EFCAB5: variants seen among roughly 807,000 people sequenced by gnomAD.
EFCAB5 encodes EF-hand calcium-binding domain-containing protein 5.
Under a neutral mutation model 167.9 loss-of-function variants are expected in EFCAB5, and 131 were observed. The ratio of observed to expected loss-of-function variants is 0.78; its 90% CI spans 0.68 to 0.90. The LOEUF (loss-of-function observed/expected upper bound fraction) is 0.90, where lower values mean the gene tolerates loss of function less well. EFCAB5 is among the 40% of genes least tolerant of loss of function. The pLI is 0.00. For missense variants in EFCAB5, 1,663 were observed against 1,745.2 expected, an observed-to-expected ratio of 0.95 and a Z score of 0.84; for synonymous variants, 574 against 602.8, an observed-to-expected ratio of 0.95 and a Z score of 0.70.
chr17:30,090,989 G>C (rs940168404), intron 20 of EFCAB5, among the ~76,000 whole-genome samples: 2 of 152,084 alleles, frequency 1.3e-5, no homozygotes, highest in Non-Finnish European at 2.9e-5. Flanking sequence ...TTCAATCCTT[G>C]CCATAACCCT....
intron 8 of EFCAB5, among the ~76,000 whole-genome samples, chr17:30,038,610 A>T (rs1210926957): frequency 6.6e-6 from 1 of 152,254 alleles, no homozygotes; most frequent in African/African-American, 2.4e-5. Flanking sequence ...AATACATTTC[A>T]TAAGGCTATA....
At chr17:29,978,015 C>A (rs1416486280) in intron 4 of EFCAB5, among the ~76,000 whole-genome samples, 1 of 152,076 alleles carries the variant, frequency 6.6e-6, no homozygotes, top group Non-Finnish European at 1.5e-5. Flanking sequence ...CTCATCCTTA[C>A]AAGATGCCAG....
chr17:29,963,196 C>A (rs2067757137), intron 3 of EFCAB5, among the ~76,000 whole-genome samples: 1 of 152,188 alleles, frequency 6.6e-6, no homozygotes, highest in African/African-American at 2.4e-5. Context: ...CCCACCTCAG[C>A]CTCCTAAAGT....
chr17:29,945,394 C>G (rs1347361911), intron 3 of EFCAB5, among the ~76,000 whole-genome samples: 3 of 151,340 alleles, frequency 2.0e-5, no homozygotes. Context: ...CCTAGTAATA[C>G]ACATTACAAT....
chr17:30,032,689 T>C (rs1015211269), intron 7 of EFCAB5, among the ~76,000 whole-genome samples: 1 of 152,230 alleles, frequency 6.6e-6, no homozygotes, highest in African/African-American at 2.4e-5. Context: ...CAACTCAATA[T>C]ATTAATAAAA....
At position 30,068,626 on chromosome 17, in the gene EFCAB5, G is replaced by T. The variant is rs1021795186; in HGVS notation, c.2737+8925G>T. 4.0e-6 allele frequency: 6 copies of T among 1,497,366 alleles called. No individual in the cohort carries two copies. In the East Asian group the frequency reaches 7.3e-5, roughly 18 times the overall value. The allele number at this position is 1,497,366 out of a possible 1,614,324, so 92.8% of individuals were successfully genotyped here. A position where few individuals can be genotyped will look rare whatever the true frequency, so the allele number is the denominator to read the frequency against. On this transcript the variant is annotated intron_variant, in intron 14 of 22. Coordinates refer to ENST00000394835, the MANE Select transcript of EFCAB5 (RefSeq NM_198529.4). Reference sequence around the variant, plus strand: ...CCTTGTGGGGCTGCCTGTGCGGGTCGCTAGGGCGGTGGACATCACGCTGCT... The same window carrying T: ...CCTTGTGGGGCTGCCTGTGCGGGTCTCTAGGGCGGTGGACATCACGCTGCT...
At chr17:29,993,123 A>G (rs1017317037) in intron 4 of EFCAB5, 42 bp from the exon 5 acceptor site, 1 of 1,513,952 alleles carries the variant, frequency 6.6e-7, no homozygotes, top group African/African-American at 1.4e-5. Flanking sequence ...ACCAAATCCA[A>G]GGGTATTAAC....
intron 16 of EFCAB5, among the ~76,000 whole-genome samples, 192 bp from the exon 17 acceptor site, chr17:30,080,561 T>TTTG (rs2070966950): frequency 6.6e-6 from 1 of 151,360 alleles, no homozygotes; most frequent in African/African-American, 2.4e-5. Flanking sequence ...TTTTTTTTTT[T>TTTG]TTTGTTTGTT....
Position 30,083,022 on chromosome 17 carries a change from T to C in EFCAB5, c.3558T>C (p.Phe1186=), listed in dbSNP as rs768771198. 1 of 1,613,974 alleles carries C rather than the reference T, an allele frequency of 6.2e-7. No homozygotes were observed. The highest frequency in any genetic ancestry group is 8.5e-7 in the Non-Finnish European group (1 of 1,179,866). ...GCATCACCTCCATCACTACGTACTT[T>C]GTAGAGCCTAGCCCAGCCCAGGTAG... ...TSSITSITTY[F]VEPSPAQDSD... Residue 1186 remains phenylalanine, a synonymous_variant, in exon 18 of 23, where the codon TTT becomes TTC. Coordinates refer to ENST00000394835, the MANE Select transcript of EFCAB5 (RefSeq NM_198529.4).
intron 7 of EFCAB5, among the ~76,000 whole-genome samples, chr17:30,003,104 G>GGC (rs1567707830): frequency 7.1e-6 from 1 of 141,366 alleles, no homozygotes; most frequent in Non-Finnish European, 1.5e-5. Context: ...TGTAGCGGGG[G>GGC]GGGGGTCTGA....
At chr17:30,021,969 T>G (rs765374898) in intron 7 of EFCAB5, among the ~76,000 whole-genome samples, 1 of 152,076 alleles carries the variant, frequency 6.6e-6, no homozygotes, top group Non-Finnish European at 1.5e-5. Context: ...GTACTCAGGA[T>G]GGAGTATGGA....
chr17:30,028,517 G>A (rs546432193), intron 7 of EFCAB5, among the ~76,000 whole-genome samples: 1 of 152,250 alleles, frequency 6.6e-6, no homozygotes, highest in African/African-American at 2.4e-5. Flanking sequence ...AAAAACTTGG[G>A]GAGAAATGAG....
intron 14 of EFCAB5, 31 bp downstream of exon 14, chr17:30,059,732 G>A (rs1279690948): frequency 4.6e-6 from 7 of 1,537,600 alleles, no homozygotes; most frequent in Non-Finnish European, 1.8e-6. Context: ...TATTTAAACT[G>A]TGGTAATTAA....
chr17:29,965,883 T>A (rs2067817824), intron 3 of EFCAB5, among the ~76,000 whole-genome samples: 1 of 152,168 alleles, frequency 6.6e-6, no homozygotes, highest in Non-Finnish European at 1.5e-5. Flanking sequence ...TCTAGATATT[T>A]TAAATTTTTG....
intron 22 of EFCAB5, among the ~76,000 whole-genome samples, chr17:30,097,120 G>A (rs1597572926): frequency 6.9e-6 from 1 of 144,578 alleles, no homozygotes; most frequent in Non-Finnish European, 1.5e-5. Flanking sequence ...GCAGTGGCGC[G>A]ATCTCGGCTC....
chr17:29,933,825 G>A (rs2067222925), intron 1 of EFCAB5, among the ~76,000 whole-genome samples: 1 of 152,140 alleles, frequency 6.6e-6, no homozygotes, highest in African/African-American at 2.4e-5. Context: ...GAACCAAGGT[G>A]AAGAATCCTG....
Position 30,053,904 on chromosome 17 carries a change from A to G in EFCAB5, c.1950A>G (p.Lys650=). The G allele has an allele frequency of 6.2e-7, 1 of 1,614,016 alleles. No homozygotes were observed. The highest frequency in any genetic ancestry group is 8.5e-7 in the Non-Finnish European group (1 of 1,179,888). The change falls in exon 10 of 23, where the codon AAA becomes AAG. Residue 650 remains lysine (K), a synonymous_variant. Transcript: ENST00000394835. Reference sequence around the variant, plus strand: ...CAGTAATAGAAGAACCATACCAAAAATCAGAACAAGGACCTTATGGAGAGA... The same window carrying G: ...CAGTAATAGAAGAACCATACCAAAAGTCAGAACAAGGACCTTATGGAGAGA... The part of the protein sequence containing the change: ...RESVIEEPYQ[K]SEQGPYGEII...
rs2070978609 is a variant in EFCAB5, at chr17:30,080,998, T to C, written c.3426+17T>C. On this transcript the variant is annotated intron_variant, in intron 17 of 22. Coordinates refer to ENST00000394835, the MANE Select transcript of EFCAB5 (RefSeq NM_198529.4). ...TTCTATCAGGTAAGTCATAGAAGTC[T>C]TCAAGAGCGATGGTAGGATGGCCTC... 1.9e-6 allele frequency: 3 copies of C among 1,591,126 alleles called. No individual in the cohort carries two copies. Among genetic ancestry groups the C allele is most frequent in the African/African-American group, 2.7e-5 (2 of 74,116 alleles).
chr17:30,096,472 G>T (rs952694206), intron 22 of EFCAB5, among the ~76,000 whole-genome samples: 9 of 151,934 alleles, frequency 5.9e-5, no homozygotes, highest in African/African-American at 2.2e-4. Flanking sequence ...GGGGCCAGAA[G>T]TTCAAGACTA....
Sources: allele counts gnomAD v4.1 joint callset (sites outside exome capture counted in the v4.1 genomes callset), GRCh38; gene constraint gnomAD v4.1.1; transcripts MANE v1.5; gene names NCBI Gene and HGNC (gene_info 2026-07-23, HGNC 2026-07-21).